Variants in DNAH14 observed in about 807,000 individuals in gnomAD.
The protein encoded by DNAH14 is dynein axonemal heavy chain 14.
DNAH14 carries 478 observed loss-of-function variants against 520.9 expected under a neutral mutation model. The observed-to-expected ratio is 0.92, with a 90% CI of 0.85 to 0.99. The LOEUF is 0.99. Ranked by LOEUF, DNAH14 falls within the 50% of genes least tolerant of loss-of-function variation. The pLI, the probability that DNAH14 is intolerant of heterozygous loss-of-function variation, is 0.00. For synonymous variants in DNAH14, 1,581 were observed against 1,757.2 expected (o/e 0.90, Z 2.51); for missense variants, 4,831 against 5,234.5 (o/e 0.92, Z 2.38).
chr1:224,947,693 A>G (rs930420651), intron 1 of DNAH14, among the ~76,000 whole-genome samples: 2 of 152,052 alleles, frequency 1.3e-5, no homozygotes, highest in Non-Finnish European at 2.9e-5. Flanking sequence ...ATGGCTGTAT[A>G]TTTACGTATG....
At position 225,335,339 on chromosome 1, in the gene DNAH14, ATGTGTGTGTATATG is replaced by A. The variant is rs1558427150; in HGVS notation, c.10080+1834_10080+1847del. Among the ~76,000 whole-genome samples, 36 of 86,730 alleles carry A rather than the reference ATGTGTGTGTATATG, an allele frequency of 4.2e-4. 2 individuals carry two copies. Among genetic ancestry groups the A allele is most frequent in the African/African-American group, 8.4e-4 (14 of 16,716 alleles). 56.9% of individuals were successfully genotyped at this position (86,730 alleles called of 152,430 possible). On this transcript the variant is annotated intron_variant, in intron 66 of 85. Coordinates refer to ENST00000682510, the MANE Select transcript of DNAH14 (RefSeq NM_001367479.1). ...TATATGCACATATACACGTGTGTAC[ATGTGTGTGTATATG>A]CATATACACGTGTACATGTGTGTGT...
chr1:225,314,191 A>G lies in DNAH14; in HGVS notation c.9241-4392A>G, dbSNP rs958963858. Among the ~76,000 whole-genome samples the G allele has an allele frequency of 4.6e-5, 7 of 152,324 alleles. No individual in the cohort carries two copies. The East Asian group carries it at 1.3e-3, about 29-fold the overall frequency. ...TGCATTGATTCCTTTACCATTATGT[A>G]ATGCCCTTTTTTGTCTCTTTCGATC... On this transcript the variant is annotated intron_variant, in intron 60 of 85. Coordinates refer to ENST00000682510, the MANE Select transcript of DNAH14 (RefSeq NM_001367479.1).
intron 21 of DNAH14, among the ~76,000 whole-genome samples, chr1:225,091,156 T>C (rs903549587): frequency 6.6e-6 from 1 of 152,094 alleles, no homozygotes. Flanking sequence ...GAAAACAACT[T>C]AGAAAACGTA....
intron 55 of DNAH14, among the ~76,000 whole-genome samples, chr1:225,290,809 T>C (rs943291076): frequency 1.1e-4 from 17 of 151,106 alleles, no homozygotes; most frequent in Non-Finnish European, 8.9e-5. Context: ...TTTCAATACA[T>C]GTAAGAGCAG....
At chr1:224,934,631 A>C (rs1038455325) in intron 1 of DNAH14, among the ~76,000 whole-genome samples, 1 of 151,852 alleles carries the variant, frequency 6.6e-6, no homozygotes. Context: ...AATACTAGAT[A>C]AAAACTTCCC....
At chr1:225,049,769 T>C (rs1014506822) in intron 15 of DNAH14, among the ~76,000 whole-genome samples, 58 of 116,290 alleles carry the variant, frequency 5.0e-4, no homozygotes, top group Non-Finnish European at 1.9e-4. Context: ...TGTCTATCTA[T>C]CTACCTATCT....
chr1:225,019,705 C>A (rs2065506096), intron 10 of DNAH14, among the ~76,000 whole-genome samples: 1 of 152,118 alleles, frequency 6.6e-6, no homozygotes, highest in African/African-American at 2.4e-5. Context: ...AAATCAAAAC[C>A]ATAACAACCA....
chr1:224,964,461 TA>T lies in DNAH14; in HGVS notation c.368-15del. 1.3e-6 allele frequency: 2 copies of T among 1,590,748 alleles called. No individual in the cohort carries two copies. The highest frequency in any genetic ancestry group is 1.7e-6 in the Non-Finnish European group (2 of 1,168,572). ...CACATTTGCACTTATACTGGATTTT[TA>T]AATTGTTCTATACCAGAACCAAAAG... On this transcript the variant is annotated splice_polypyrimidine_tract_variant and intron_variant, in intron 4 of 85. Coordinates refer to ENST00000682510, the MANE Select transcript of DNAH14 (RefSeq NM_001367479.1).
At chr1:225,268,538 T>C (rs2093202235) in intron 49 of DNAH14, among the ~76,000 whole-genome samples, 1 of 152,196 alleles carries the variant, frequency 6.6e-6, no homozygotes, top group Admixed American at 6.5e-5. Context: ...GAAGTCAAAT[T>C]GTCCTTGTTT....
intron 46 of DNAH14, among the ~76,000 whole-genome samples, chr1:225,263,222 GTATATATACA>G (rs1229239541): frequency 2.1e-5 from 3 of 145,912 alleles, no homozygotes; most frequent in Non-Finnish European, 4.4e-5. Flanking sequence ...ATATATACAT[GTATATATACA>G]TATATATACA....
Position 225,152,875 on chromosome 1 carries a change from T to C in DNAH14, c.5188T>C (p.Ser1730Pro), listed in dbSNP as rs2080640150. The change falls in exon 33 of 86, where the codon TCA (serine) becomes CCA (proline). Residue 1730 changes from serine to proline, a missense_variant. Physicochemically the swap from Ser to Pro is moderately conservative, Grantham distance 74. Coordinates refer to ENST00000682510, the MANE Select transcript of DNAH14 (RefSeq NM_001367479.1). Reference sequence around the variant, plus strand: ...TTATGAATTAGCGCGCAAACAGCTCTCACAACAGGTAAATAGCTACTTTTC... The same window carrying C: ...TTATGAATTAGCGCGCAAACAGCTCCCACAACAGGTAAATAGCTACTTTTC... ...NLYELARKQL[S>P]QQDHYNFGLR... The C allele has an allele frequency of 6.5e-7, 1 of 1,549,054 alleles. No homozygotes were observed. The highest frequency in any genetic ancestry group is 8.7e-7 in the Non-Finnish European group (1 of 1,146,432).
At chr1:225,268,070 A>T (rs1366732060) in intron 49 of DNAH14, among the ~76,000 whole-genome samples, 1 of 152,076 alleles carries the variant, frequency 6.6e-6, no homozygotes, top group Non-Finnish European at 1.5e-5. Flanking sequence ...CTAGAGACAC[A>T]CTCAATTGGC....
intron 25 of DNAH14, among the ~76,000 whole-genome samples, chr1:225,118,564 T>G (rs1022859687): frequency 2.6e-5 from 4 of 152,122 alleles, no homozygotes; most frequent in Non-Finnish European, 5.9e-5. Flanking sequence ...CCAAAATCCC[T>G]ATTCCAACCC....
rs184335647 is a variant in DNAH14 at position 224,979,907 on chromosome 1, G to T, written c.830+5754G>T. 4.0e-4 allele frequency among the ~76,000 whole-genome samples: 61 copies of T among 152,292 alleles called. No homozygotes were observed. The East Asian group carries it at 8.5e-3, about 21-fold the overall frequency. On this transcript the variant is annotated intron_variant, in intron 8 of 85. Transcript: ENST00000682510. ...ACCCTGGACTAGAAGGGAACCCACT[G>T]CTGTGAAGGGAAGGACCCAGTTCTG...
chr1:225,302,478 T>C (rs2094157338), intron 56 of DNAH14, among the ~76,000 whole-genome samples: 2 of 152,198 alleles, frequency 1.3e-5, no homozygotes, highest in African/African-American at 4.8e-5. Context: ...GACTCTGACT[T>C]AAAGGGAACA....
chr1:225,063,157 A>G (rs2070401536), intron 17 of DNAH14, among the ~76,000 whole-genome samples: 1 of 152,162 alleles, frequency 6.6e-6, no homozygotes, highest in South Asian at 2.1e-4. Context: ...ACTTAAAGAG[A>G]TGAAAAATAC....
intron 10 of DNAH14, among the ~76,000 whole-genome samples, chr1:225,013,416 G>A (rs2147927963): frequency 1.3e-5 from 2 of 152,298 alleles, no homozygotes; most frequent in South Asian, 4.1e-4. Context: ...CTACTGGGAG[G>A]TGTTTCCCAG....
chr1:224,938,290 A>T lies in DNAH14; in HGVS notation c.-34+8455A>T, dbSNP rs559768267. 3.0e-4 allele frequency among the ~76,000 whole-genome samples: 45 copies of T among 152,346 alleles called. 1 individual carries two copies. Among genetic ancestry groups the T allele is most frequent in the African/African-American group, 1.0e-3 (43 of 41,594 alleles). ...GAAAGGGAGAACGTATTTGCAACCTAAGCATATGACAAGGGATTAATAACC... is the reference window on the plus strand; with the variant it reads ...GAAAGGGAGAACGTATTTGCAACCTTAGCATATGACAAGGGATTAATAACC... On this transcript the variant is annotated intron_variant, in intron 1 of 85. Coordinates refer to ENST00000682510, the MANE Select transcript of DNAH14 (RefSeq NM_001367479.1).
chr1:225,078,867 T>C (rs762270788), intron 17 of DNAH14, among the ~76,000 whole-genome samples: 456 of 40,874 alleles, frequency 0.011, 32 homozygotes, highest in South Asian at 0.018. Context: ...TCCCTCTCTC[T>C]CTCTCTCTCT....
Sources: gnomAD v4.1 joint callset for allele counts (sites outside exome capture counted in the v4.1 genomes callset) on GRCh38, gnomAD v4.1.1 for gene constraint, MANE v1.5 for transcripts, NCBI Gene and HGNC (gene_info 2026-07-23, HGNC 2026-07-21) for gene names.